The following SLC66A3 variants were observed in gnomAD, a reference collection of about 807,000 sequenced individuals.
The protein encoded by SLC66A3 is PQ loop repeat containing 3.
A neutral mutation model predicts 25.5 loss-of-function variants in SLC66A3; 23 were observed. The ratio of observed to expected loss-of-function variants is 0.90; its 90% CI spans 0.65 to 1.28. The LOEUF (loss-of-function observed/expected upper bound fraction) is 1.28. SLC66A3 is among the 50% of genes most tolerant of loss of function. SLC66A3 has a pLI of 0.00. For missense variants in SLC66A3, 246 were observed against 262.1 expected, an observed-to-expected ratio of 0.94 and a Z score of 0.42; for synonymous variants, 108 against 112.6, an observed-to-expected ratio of 0.96 and a Z score of 0.26.
chr2:11,158,289 G>A (rs753351494), intron 1 of SLC66A3, among the ~76,000 whole-genome samples: 5 of 152,090 alleles, frequency 3.3e-5, no homozygotes, highest in Admixed American at 3.3e-4. Context: ...AGGCCGAGGC[G>A]GGCAGATAAC....
Position 11,156,438 on chromosome 2 carries a change from C to T in SLC66A3, c.143+749C>T, listed in dbSNP as rs916568561. The stretch of plus-strand genomic sequence containing the variant: ...CATACCTCAACCTAGTGGTCTCGCC[C>T]CTTCCCCCTGGCCAGGCCAGGCCTT... On this transcript the variant is annotated intron_variant, in intron 1 of 6. Transcript: ENST00000295083. Among the ~76,000 whole-genome samples, 5 of 152,188 alleles carry T rather than the reference C, an allele frequency of 3.3e-5. No homozygotes were observed. The East Asian group carries it at 5.8e-4, about 18-fold the overall frequency.
chr2:11,163,477 A>G (rs535215478), intron 3 of SLC66A3, among the ~76,000 whole-genome samples: 1 of 152,346 alleles, frequency 6.6e-6, no homozygotes, highest in South Asian at 2.1e-4. Context: ...GTCTGTTTCA[A>G]TATCTTCATT....
intron 6 of SLC66A3, 25 bp downstream of exon 6, chr2:11,175,034 C>A (rs767747221): frequency 1.1e-5 from 18 of 1,570,254 alleles, no homozygotes; most frequent in Non-Finnish European, 1.5e-5. Context: ...TTCTCACTTC[C>A]TTTTTGAGTT....
Position 11,165,379 on chromosome 2 carries a change from C to T in SLC66A3, c.354+1118C>T, listed in dbSNP as rs1306978733. Among the ~76,000 whole-genome samples the T allele has an allele frequency of 5.4e-5, 8 of 148,718 alleles. No homozygotes were observed. The South Asian group carries it at 6.5e-4, about 12-fold the overall frequency. On this transcript the variant is annotated intron_variant, in intron 4 of 6. Transcript: ENST00000295083. ...GCAGAGACACTCCTCACTTCCTAGA[C>T]GGGATGGTGGCCGGGAAGAGGTGCT... is the stretch of plus-strand genomic sequence containing the variant.
rs993881742 is a variant in SLC66A3 at position 11,160,836 on chromosome 2, G to A, written c.296+142G>A. 22 of 1,334,198 alleles carry A rather than the reference G, an allele frequency of 1.6e-5. No homozygotes were observed. In the African/African-American group the frequency reaches 2.7e-4, roughly 16 times the overall value. The allele number at this position is 1,334,198 out of a possible 1,614,324, so 82.6% of individuals were successfully genotyped here. On this transcript the variant is annotated intron_variant, in intron 3 of 6. Transcript: ENST00000295083. ...AAAAAAAAAAATCCCAAATGCAAAC[G>A]TGTCCATGTACACCAGAGATGCCCT...
chr2:11,160,314 C>G, intron 1 of SLC66A3, 152 bp from the exon 2 acceptor site: 1 of 670,434 alleles, frequency 1.5e-6, no homozygotes, highest in Non-Finnish European at 2.7e-6. Context: ...TGAATTCCAT[C>G]TATTTTGTTC....
chr2:11,172,536 T>C (rs1423152000), intron 5 of SLC66A3, among the ~76,000 whole-genome samples: 1 of 152,202 alleles, frequency 6.6e-6, no homozygotes, highest in Non-Finnish European at 1.5e-5. Context: ...AAAATACATA[T>C]ATGGTATATG....
intron 6 of SLC66A3, among the ~76,000 whole-genome samples, chr2:11,177,335 C>T (rs1472628736): frequency 6.6e-6 from 1 of 152,062 alleles, no homozygotes; most frequent in Non-Finnish European, 1.5e-5. Flanking sequence ...TGGTGGGCAC[C>T]TGTCATCCCA....
At chr2:11,156,226 A>G (rs541903512) in intron 1 of SLC66A3, among the ~76,000 whole-genome samples, 1 of 152,320 alleles carries the variant, frequency 6.6e-6, no homozygotes, top group South Asian at 2.1e-4. Flanking sequence ...CATTTCTTGT[A>G]GAAAGAAGTT....
chr2:11,176,264 G>A (rs1417118640), intron 6 of SLC66A3, among the ~76,000 whole-genome samples: 1 of 152,214 alleles, frequency 6.6e-6, no homozygotes, highest in Non-Finnish European at 1.5e-5. Context: ...CGCCCAGGCT[G>A]GAGTGCAGTG....
intron 1 of SLC66A3, among the ~76,000 whole-genome samples, chr2:11,156,995 C>T (rs1661928190): frequency 6.6e-6 from 1 of 152,142 alleles, no homozygotes; most frequent in Non-Finnish European, 1.5e-5. Flanking sequence ...TGGCCTCGGC[C>T]CCTTGCTAGG....
chr2:11,163,723 C>G (rs573563069), intron 3 of SLC66A3, among the ~76,000 whole-genome samples: 2 of 152,324 alleles, frequency 1.3e-5, no homozygotes, highest in South Asian at 4.1e-4. Flanking sequence ...ACATGCCTGA[C>G]TTCCAGCATT....
At chr2:11,158,656 C>T (rs372657907) in intron 1 of SLC66A3, among the ~76,000 whole-genome samples, 4 of 151,894 alleles carry the variant, frequency 2.6e-5, no homozygotes, top group South Asian at 4.1e-4. Flanking sequence ...AGCAAGACTC[C>T]GCCTCAAAAA....
intron 3 of SLC66A3, among the ~76,000 whole-genome samples, chr2:11,161,308 T>C (rs1415977261): frequency 6.6e-6 from 1 of 151,806 alleles, no homozygotes; most frequent in African/African-American, 2.4e-5. Context: ...TGAGACGGTC[T>C]CGCTCTGTGG....
intron 4 of SLC66A3, among the ~76,000 whole-genome samples, chr2:11,165,541 C>T (rs1288491478): frequency 1.3e-5 from 2 of 150,660 alleles, no homozygotes; most frequent in African/African-American, 4.9e-5. Context: ...ACTGGGCAGC[C>T]GGGCAGAGGG....
At chr2:11,164,341 A>ATTTTTTTTTTTTTTTTTTTT (rs1440192829) in intron 4 of SLC66A3, 80 bp downstream of exon 4, 1 of 121,088 alleles carries the variant, frequency 8.3e-6, no homozygotes, top group African/African-American at 4.9e-5. Flanking sequence ...ATATATATAT[A>ATTTTTTTTTTTTTTTTTTTT]TATATTTTTT....
chr2:11,171,009 A>C (rs1449893038), intron 4 of SLC66A3, among the ~76,000 whole-genome samples: 1 of 152,080 alleles, frequency 6.6e-6, no homozygotes, highest in Non-Finnish European at 1.5e-5. Flanking sequence ...GCACGGTGGA[A>C]TCTGTGAGTT....
chr2:11,164,827 C>T (rs1662260620), intron 4 of SLC66A3, among the ~76,000 whole-genome samples: 1 of 152,142 alleles, frequency 6.6e-6, no homozygotes, highest in Non-Finnish European at 1.5e-5. Flanking sequence ...GGACACAGCA[C>T]ATGTTTCAGA....
At chr2:11,167,243 G>A (rs1053736099) in intron 4 of SLC66A3, among the ~76,000 whole-genome samples, 19 of 152,184 alleles carry the variant, frequency 1.2e-4, no homozygotes, top group Admixed American at 5.9e-4. Context: ...TCAGCAGTTC[G>A]AGACCAGCCT....
Sources: gnomAD v4.1 joint callset for allele counts (sites outside exome capture counted in the v4.1 genomes callset) on GRCh38, gnomAD v4.1.1 for gene constraint, MANE v1.5 for transcripts, NCBI Gene and HGNC (gene_info 2026-07-23, HGNC 2026-07-21) for gene names.